The following ADGB variants were observed in gnomAD, a reference collection of about 807,000 sequenced individuals.
The protein encoded by ADGB is androglobin, also known as calpain-7-like protein.
ADGB carries 172 observed loss-of-function variants against 210.5 expected under a neutral mutation model. That is an observed-to-expected ratio of 0.82 (90% CI 0.72 to 0.93). The LOEUF is 0.93. Ranked by LOEUF, ADGB falls within the 40% of genes least tolerant of loss-of-function variation. The pLI is 0.00. For synonymous variants in ADGB, 658 were observed against 662.7 expected (o/e 0.99, Z 0.11); for missense variants, 2,025 against 1,964.8 (o/e 1.03, Z -0.58).
At chr6:146,753,274 C>A (rs935019656) in intron 27 of ADGB, among the ~76,000 whole-genome samples, 1 of 151,942 alleles carries the variant, frequency 6.6e-6, no homozygotes, top group African/African-American at 2.4e-5. Context: ...TATAATCGTG[C>A]TACTCAGAAA....
chr6:146,684,209 T>A (rs1284926588), intron 9 of ADGB, among the ~76,000 whole-genome samples: 9 of 152,106 alleles, frequency 5.9e-5, no homozygotes, highest in Non-Finnish European at 1.5e-5. Context: ...CTGCTTAATC[T>A]TGAACCTGGA....
rs566885548 is a variant in ADGB at position 146,736,833 on chromosome 6, C to T, written c.2888+242C>T. On this transcript the variant is annotated intron_variant, in intron 23 of 35. Coordinates refer to ENST00000397944, the MANE Select transcript of ADGB (RefSeq NM_024694.4). ...AACCTCTAGGAGCAGAACAAAGTTT[C>T]CTTAAATCTTACGGTACTGAGAAGA... is the stretch of plus-strand genomic sequence containing the variant. Among the ~76,000 whole-genome samples, 18 of 152,214 alleles carry T rather than the reference C, an allele frequency of 1.2e-4. No homozygotes were observed. The South Asian group carries it at 1.5e-3, about 12-fold the overall frequency.
rs1204710774 is a variant in ADGB, at chr6:146,815,161, GAA to G, written c.4951_4952del (p.Lys1651AspfsTer6). ...AQEAAMKLET[E>X]KMTPAPDTQK... Reference sequence around the variant, plus strand: ...GGAAGCAGCCATGAAGCTGGAGACAGAAAAGATGACCCCAGCTCCTGACACAC... The same window carrying G: ...GGAAGCAGCCATGAAGCTGGAGACAGAAGATGACCCCAGCTCCTGACACAC... On this transcript the variant is annotated frameshift_variant, in exon 36 of 36. Coordinates refer to ENST00000397944, the MANE Select transcript of ADGB (RefSeq NM_024694.4). LOFTEE classifies it high-confidence loss of function. 1 of 1,534,750 alleles carries G rather than the reference GAA, an allele frequency of 6.5e-7. No homozygotes were observed. Among genetic ancestry groups the G allele is most frequent in the East Asian group, 2.5e-5 (1 of 40,562 alleles).
rs1484669985 is a variant in ADGB, at chr6:146,726,108, T to C, written c.2263T>C (p.Tyr755His). 3 of 1,544,826 alleles carry C rather than the reference T, an allele frequency of 1.9e-6. No homozygotes were observed. Among genetic ancestry groups the C allele is most frequent in the Non-Finnish European group, 8.8e-7 (1 of 1,141,184 alleles). The change falls in exon 19 of 36, where the codon TAC (tyrosine) becomes CAC (histidine). Residue 755 changes from tyrosine (Y) to histidine (H), a missense_variant. Tyr to His is a moderately conservative substitution (Grantham distance 83). Transcript: ENST00000397944. ...GAGACACATGCTACTCTTCAACGCA[T>C]ACTCCCCAGTAGGACACTCCATACA... ...VGRHMLLFNA[Y>H]SPVGHSIHIC...
intron 26 of ADGB, 111 bp downstream of exon 26, chr6:146,746,220 A>C: frequency 1.3e-6 from 1 of 752,714 alleles, no homozygotes; most frequent in Admixed American, 2.9e-5. Flanking sequence ...TTCAAATTCC[A>C]TATTCTTTTT....
intron 1 of ADGB, among the ~76,000 whole-genome samples, chr6:146,615,207 T>C (rs1231972694): frequency 6.6e-6 from 1 of 151,572 alleles, no homozygotes; most frequent in Non-Finnish European, 1.5e-5. Context: ...CACCAGCCAA[T>C]CTCAGACTCT....
chr6:146,801,541 T>G (rs754273673), intron 34 of ADGB, among the ~76,000 whole-genome samples: 1 of 152,188 alleles, frequency 6.6e-6, no homozygotes, highest in Non-Finnish European at 1.5e-5. Flanking sequence ...AAGGAAAACC[T>G]ACAAGATATT....
chr6:146,631,089 A>G (rs991390565), intron 1 of ADGB, among the ~76,000 whole-genome samples: 5 of 152,236 alleles, frequency 3.3e-5, no homozygotes, highest in African/African-American at 1.2e-4. Context: ...AAAATTTAAG[A>G]TAATAGAAGA....
chr6:146,802,813 A>G (rs1778153524), intron 35 of ADGB: 1 of 1,607,950 alleles, frequency 6.2e-7, no homozygotes, highest in Non-Finnish European at 8.5e-7. Context: ...ACTGTAATAA[A>G]TAAGCATCTA....
chr6:146,788,424 T>C lies in ADGB; in HGVS notation c.4351T>C (p.Ser1451Pro), dbSNP rs1441993523. Residue 1451 changes from serine (S) to proline (P), a missense_variant, in exon 33 of 36, where the codon TCA (serine) becomes CCA (proline). Ser to Pro is a moderately conservative substitution (Grantham distance 74). Transcript: ENST00000397944. The part of the protein sequence containing the change: ...TAARGVKEPN[S>P]KNSAGSESKE... ...TGCACGTGGCGTAAAAGAACCAAACTCAAAGAATTCTGCAGGTTCAGAGAG... is the reference window on the plus strand; with the variant it reads ...TGCACGTGGCGTAAAAGAACCAAACCCAAAGAATTCTGCAGGTTCAGAGAG... 6.4e-7 allele frequency: 1 copy of C among 1,551,370 alleles called. No individual in the cohort carries two copies. The highest frequency in any genetic ancestry group is 8.7e-7 in the Non-Finnish European group (1 of 1,146,894).
At chr6:146,690,224 G>A (rs1258923719) in intron 10 of ADGB, among the ~76,000 whole-genome samples, 3 of 152,186 alleles carry the variant, frequency 2.0e-5, no homozygotes, top group African/African-American at 4.8e-5. Flanking sequence ...AGGCTGATAA[G>A]TGGGTTTCTG....
intron 35 of ADGB, among the ~76,000 whole-genome samples, chr6:146,811,327 G>A (rs1188583503): frequency 6.6e-6 from 1 of 151,770 alleles, no homozygotes; most frequent in Non-Finnish European, 1.5e-5. Flanking sequence ...TCAAGTCACT[G>A]GTAATTTATT....
chr6:146,682,398 G>C (rs1776169529), intron 9 of ADGB, among the ~76,000 whole-genome samples: 1 of 152,100 alleles, frequency 6.6e-6, no homozygotes, highest in Non-Finnish European at 1.5e-5. Context: ...TAGTATGGCA[G>C]TTGTAGGCCA....
intron 1 of ADGB, among the ~76,000 whole-genome samples, chr6:146,629,469 T>C (rs1422984095): frequency 2.6e-5 from 4 of 152,176 alleles, no homozygotes; most frequent in South Asian, 4.1e-4. Flanking sequence ...ACAAGGAAAG[T>C]AGGCCAATTA....
At chr6:146,608,973 A>G (rs545346468) in intron 1 of ADGB, among the ~76,000 whole-genome samples, 3 of 152,282 alleles carry the variant, frequency 2.0e-5, no homozygotes, top group East Asian at 3.9e-4. Context: ...CGGGGTGTTA[A>G]GGTCTCCCAG....
chr6:146,715,474 C>A, intron 14 of ADGB, 59 bp downstream of exon 14: 1 of 1,235,570 alleles, frequency 8.1e-7, no homozygotes, highest in Non-Finnish European at 1.1e-6. Flanking sequence ...AGAGGGGCAT[C>A]TCTGCTTCTT....
intron 14 of ADGB, among the ~76,000 whole-genome samples, chr6:146,715,723 C>A (rs1776722704): frequency 1.3e-5 from 2 of 152,046 alleles, no homozygotes; most frequent in African/African-American, 4.8e-5. Flanking sequence ...AAAGACTTGG[C>A]CAAGAATTGA....
rs536764405 is a variant in ADGB, at chr6:146,743,567, C to G, written c.3177+2296C>G. 1.2e-4 allele frequency among the ~76,000 whole-genome samples: 19 copies of G among 152,300 alleles called. No individual in the cohort carries two copies. In the South Asian group the frequency reaches 3.9e-3, roughly 32 times the overall value. Reference sequence around the variant, plus strand: ...AATTGAGATTGCAGCAAACATACTTCCTGTCTCATATTTTATCTCTTCTGC... The same window carrying G: ...AATTGAGATTGCAGCAAACATACTTGCTGTCTCATATTTTATCTCTTCTGC... On this transcript the variant is annotated intron_variant, in intron 25 of 35. Transcript: ENST00000397944.
chr6:146,763,855 T>C (rs1357567896), intron 27 of ADGB, 46 bp from the exon 28 acceptor site: 25 of 1,466,692 alleles, frequency 1.7e-5, no homozygotes, highest in Middle Eastern at 2.1e-4. Flanking sequence ...GTAATAACTA[T>C]GTATATCACA....
Sources: gnomAD v4.1 joint callset for allele counts (sites outside exome capture counted in the v4.1 genomes callset) on GRCh38, gnomAD v4.1.1 for gene constraint, MANE v1.5 for transcripts, NCBI Gene and HGNC (gene_info 2026-07-23, HGNC 2026-07-21) for gene names.